The following GPATCH8 variants were observed in gnomAD, a reference collection of about 807,000 sequenced individuals.
GPATCH8 encodes the protein G-patch domain containing 8, also known as G patch domain-containing protein 8.
In GPATCH8, 18 loss-of-function variants were observed where a neutral mutation model predicts 118.3. The ratio of observed to expected loss-of-function variants is 0.15; its 90% confidence interval spans 0.11 to 0.23. GPATCH8 has a LOEUF of 0.23. Ranked by LOEUF, GPATCH8 falls within the 10% of genes least tolerant of loss-of-function variation. The pLI is 1.00. For synonymous variants in GPATCH8, 659 were observed against 684.7 expected (o/e 0.96, Z 0.59); for missense variants, 1,631 against 1,873.8 (o/e 0.87, Z 2.39).
intron 6 of GPATCH8, among the ~76,000 whole-genome samples, chr17:44,415,723 C>T (rs1325023839): frequency 6.6e-6 from 1 of 152,154 alleles, no homozygotes; most frequent in African/African-American, 2.4e-5. Context: ...ACTTTTCTGA[C>T]TACAATAGAA....
At chr17:44,493,839 G>A (rs1219405448) in intron 1 of GPATCH8, among the ~76,000 whole-genome samples, 1 of 152,174 alleles carries the variant, frequency 6.6e-6, no homozygotes, top group African/African-American at 2.4e-5. Flanking sequence ...AATAGGATTA[G>A]TACCTCTTCT....
intron 6 of GPATCH8, among the ~76,000 whole-genome samples, chr17:44,422,977 G>T (rs2049965969): frequency 6.6e-6 from 1 of 151,676 alleles, no homozygotes; most frequent in Non-Finnish European, 1.5e-5. Context: ...TGTATTAAAA[G>T]AATGTCCACG....
intron 2 of GPATCH8, among the ~76,000 whole-genome samples, chr17:44,466,945 T>C (rs1384752728): frequency 6.6e-6 from 1 of 152,158 alleles, no homozygotes; most frequent in Non-Finnish European, 1.5e-5. Context: ...TTGTTGTTTC[T>C]TTTTTAAAGA....
intron 3 of GPATCH8, among the ~76,000 whole-genome samples, chr17:44,455,536 G>A (rs1346711841): frequency 6.6e-6 from 1 of 151,348 alleles, no homozygotes; most frequent in Non-Finnish European, 1.5e-5. Flanking sequence ...AATTAAATGA[G>A]CATATTAATA....
At chr17:44,401,484 A>T in intron 7 of GPATCH8, 31 bp from the exon 8 acceptor site, 2 of 1,417,534 alleles carry the variant, frequency 1.4e-6, no homozygotes, top group Non-Finnish European at 2.0e-6. Context: ...ATAAAAAACA[A>T]AAAGCAGGTT....
At chr17:44,414,077 A>ATG (rs2049559862) in intron 6 of GPATCH8, among the ~76,000 whole-genome samples, 2 of 124,658 alleles carry the variant, frequency 1.6e-5, no homozygotes, top group South Asian at 2.4e-4. Flanking sequence ...ATATATATAT[A>ATG]TATGTGTGTG....
intron 6 of GPATCH8, among the ~76,000 whole-genome samples, chr17:44,416,230 C>T (rs2049678256): frequency 6.6e-6 from 1 of 152,086 alleles, no homozygotes; most frequent in Non-Finnish European, 1.5e-5. Context: ...AGGCTGGTCT[C>T]GAACTTCTCA....
intron 2 of GPATCH8, among the ~76,000 whole-genome samples, chr17:44,472,550 T>G (rs757913914): frequency 6.6e-6 from 1 of 152,200 alleles, no homozygotes; most frequent in East Asian, 1.9e-4. Context: ...TCATCTAAAT[T>G]TACTGCTACT....
In GPATCH8 at chr17:44,401,264, T is replaced by C. The variant is rs1369566883; in HGVS notation, c.813A>G (p.Gly271=). The C allele has an allele frequency of 1.9e-6, 3 of 1,613,536 alleles. No individual in the cohort carries two copies. Among genetic ancestry groups the C allele is most frequent in the Non-Finnish European group, 2.5e-6 (3 of 1,179,716 alleles). ...FTAVQITNTT[G]LAQAPGLASQ... ...AGGCTAACCCAGGAGCCTGGGCCAG[T>C]CCAGTGGTATTAGTGATTTGTACTG... The change falls in exon 8 of 8, where the codon GGA becomes GGG. Residue 271 remains glycine, a synonymous_variant. Coordinates refer to ENST00000591680, the MANE Select transcript of GPATCH8 (RefSeq NM_001002909.4).
At chr17:44,465,648 AAAAGATTAAAAG>A (rs1295281252) in intron 2 of GPATCH8, 1 of 152,248 alleles carries the variant, frequency 6.6e-6, no homozygotes, top group Non-Finnish European at 1.5e-5. Flanking sequence ...ATTAATCCAG[AAAAGATTAAAAG>A]TCACAATATA....
chr17:44,450,639 C>T (rs1050872312), intron 3 of GPATCH8, among the ~76,000 whole-genome samples: 8 of 151,984 alleles, frequency 5.3e-5, no homozygotes, highest in African/African-American at 1.2e-4. Flanking sequence ...GTTTTAAGTG[C>T]CATTGTTTTG....
intron 2 of GPATCH8, chr17:44,467,316 A>C (rs945196574): frequency 3.4e-5 from 9 of 262,556 alleles, no homozygotes; most frequent in African/African-American, 1.7e-4. Flanking sequence ...TGAAAGGAAA[A>C]GCAAATGTTA....
At chr17:44,451,947 G>A (rs1171867107) in intron 3 of GPATCH8, among the ~76,000 whole-genome samples, 3 of 152,048 alleles carry the variant, frequency 2.0e-5, no homozygotes, top group Admixed American at 2.0e-4. Context: ...ATAGGTTTTG[G>A]CACCAAGATT....
At chr17:44,426,846 ACACTCTCTCTCTCT>A (rs1314110510) in intron 5 of GPATCH8, among the ~76,000 whole-genome samples, 7 of 145,750 alleles carry the variant, frequency 4.8e-5, no homozygotes, top group Non-Finnish European at 7.6e-5. Context: ...ACACACACAC[ACACTCTCTCTCTCT>A]CTCTCTCTCT....
intron 1 of GPATCH8, among the ~76,000 whole-genome samples, chr17:44,479,688 G>T (rs1234095274): frequency 6.6e-6 from 1 of 152,198 alleles, no homozygotes; most frequent in Non-Finnish European, 1.5e-5. Flanking sequence ...AAAATTGATG[G>T]CTGGGCAAGG....
chr17:44,459,592 C>T (rs1463026790), intron 3 of GPATCH8, among the ~76,000 whole-genome samples: 1 of 152,130 alleles, frequency 6.6e-6, no homozygotes, highest in Non-Finnish European at 1.5e-5. Flanking sequence ...AGTGAGACTT[C>T]CTACTCACAA....
At chr17:44,437,213 G>C (rs2144049987) in intron 3 of GPATCH8, among the ~76,000 whole-genome samples, 1 of 152,290 alleles carries the variant, frequency 6.6e-6, no homozygotes, top group Middle Eastern at 3.4e-3. Flanking sequence ...ATTTCCTAGA[G>C]TGGATTTAAC....
At chr17:44,474,978 G>T in intron 1 of GPATCH8, 75 bp from the exon 2 acceptor site, 1 of 745,594 alleles carries the variant, frequency 1.3e-6, no homozygotes, top group South Asian at 1.5e-5. Context: ...ACCAAACTAA[G>T]GATTATTTTT....
intron 1 of GPATCH8, among the ~76,000 whole-genome samples, chr17:44,491,718 G>A (rs1330041688): frequency 6.6e-6 from 1 of 152,016 alleles, no homozygotes; most frequent in Non-Finnish European, 1.5e-5. Context: ...ACTGAATGTG[G>A]TGGTACACAC....
Sources: allele counts gnomAD v4.1 joint callset (sites outside exome capture counted in the v4.1 genomes callset), GRCh38; gene constraint gnomAD v4.1.1; transcripts MANE v1.5; gene names NCBI Gene and HGNC (gene_info 2026-07-23, HGNC 2026-07-21).